Variants in KATNBL1 observed in about 807,000 individuals in gnomAD.
KATNBL1 encodes KATNB1-like protein 1.
Under a neutral mutation model 44.7 loss-of-function variants are expected in KATNBL1, and 28 were observed. The ratio of observed to expected loss-of-function variants is 0.63; its 90% CI spans 0.46 to 0.86. The LOEUF is 0.86. Ranked by LOEUF, KATNBL1 falls within the 40% of genes least tolerant of loss-of-function variation. KATNBL1 has a pLI of 0.00. For synonymous variants in KATNBL1, 78 were observed against 114.9 expected (o/e 0.68, Z 2.06); for missense variants, 272 against 350.7 (o/e 0.78, Z 1.79).
intron 1 of KATNBL1, among the ~76,000 whole-genome samples, chr15:34,194,371 G>C (rs1309480099): frequency 6.6e-6 from 1 of 152,050 alleles, no homozygotes; most frequent in Non-Finnish European, 1.5e-5. Context: ...CACTTTGAAA[G>C]GCCAAGGCGG....
chr15:34,166,163 G>A (rs796616284), intron 1 of KATNBL1: 9 of 152,472 alleles, frequency 5.9e-5, no homozygotes, highest in African/African-American at 2.2e-4. Flanking sequence ...CTAGGGGTCA[G>A]GAGATTTCCC....
intron 2 of KATNBL1, among the ~76,000 whole-genome samples, chr15:34,157,425 A>G (rs773946445): frequency 2.6e-5 from 4 of 151,988 alleles, no homozygotes; most frequent in Admixed American, 6.6e-5. Flanking sequence ...CTTCCCTCCA[A>G]CTTTTGACAA....
At position 34,140,762 on chromosome 15, in the gene KATNBL1, G is replaced by A. The variant is rs1237740378; in HGVS notation, c.*1577C>T. 1 of 152,062 alleles carries A rather than the reference G, an allele frequency of 6.6e-6. No homozygotes were observed. The highest frequency in any genetic ancestry group is 2.4e-5 in the African/African-American group (1 of 41,434). The allele number at this position is 152,062 out of a possible 1,614,324, so 9.4% of individuals were successfully genotyped here. ...TTCAAATTCCCATGTCCTGAAAACTGGCCTCTTAAATAACTCACCTCTCAA... is the reference window on the plus strand; with the variant it reads ...TTCAAATTCCCATGTCCTGAAAACTAGCCTCTTAAATAACTCACCTCTCAA... On this transcript the variant is annotated 3_prime_UTR_variant, in exon 10 of 10. Coordinates refer to ENST00000256544, the MANE Select transcript of KATNBL1 (RefSeq NM_024713.3).
intron 1 of KATNBL1, among the ~76,000 whole-genome samples, chr15:34,206,817 C>A (rs540248487): frequency 6.6e-6 from 1 of 151,470 alleles, no homozygotes; most frequent in South Asian, 2.1e-4. Context: ...AAAGAAAAGT[C>A]AAATTACACC....
intron 1 of KATNBL1, among the ~76,000 whole-genome samples, chr15:34,170,869 A>G (rs1158053353): frequency 6.6e-6 from 1 of 152,224 alleles, no homozygotes; most frequent in Non-Finnish European, 1.5e-5. Context: ...TGCTGGGAAA[A>G]CTGGCTAGCC....
rs117249350 is a variant in KATNBL1, at chr15:34,161,164, G to A, written c.117+2396C>T. Among the ~76,000 whole-genome samples the A allele has an allele frequency of 3.1e-3, 466 of 152,272 alleles. 18 individuals carry two copies. The East Asian group carries it at 0.078, about 25-fold the overall frequency. On this transcript the variant is annotated intron_variant, in intron 2 of 9. Coordinates refer to ENST00000256544, the MANE Select transcript of KATNBL1 (RefSeq NM_024713.3). ...TCATTCACACACTTTCAACCTCCAA[G>A]ATACCCCGACCACCAAGGAAATACT...
intron 2 of KATNBL1, among the ~76,000 whole-genome samples, chr15:34,156,180 G>C (rs1185607566): frequency 6.6e-6 from 1 of 152,190 alleles, no homozygotes; most frequent in Non-Finnish European, 1.5e-5. Flanking sequence ...CATCCTTTTA[G>C]GTCTCTAAGG....
chr15:34,166,696 G>A (rs1888987675), intron 1 of KATNBL1, among the ~76,000 whole-genome samples: 1 of 152,184 alleles, frequency 6.6e-6, no homozygotes, highest in South Asian at 2.1e-4. Context: ...GAGGCCGACT[G>A]ACACCTCATA....
chr15:34,150,560 C>A (rs1424130504), intron 4 of KATNBL1, among the ~76,000 whole-genome samples: 2 of 152,182 alleles, frequency 1.3e-5, no homozygotes, highest in Non-Finnish European at 2.9e-5. Context: ...CACCACTGCA[C>A]CCCAGCCTGG....
chr15:34,147,439 A>G lies in KATNBL1; in HGVS notation c.558-9T>C, dbSNP rs1888343104. Reference sequence around the variant, plus strand: ...CGCCAAGATCTTCTATCCTGAGAGTATAAAAAGAATAGCATTGCCTTAGAG... The same window carrying G: ...CGCCAAGATCTTCTATCCTGAGAGTGTAAAAAGAATAGCATTGCCTTAGAG... On this transcript the variant is annotated splice_polypyrimidine_tract_variant and intron_variant, in intron 5 of 9. Transcript: ENST00000256544. The G allele has an allele frequency of 1.2e-6, 2 of 1,608,056 alleles. No homozygotes were observed. Among genetic ancestry groups the G allele is most frequent in the Admixed American group, 3.3e-5 (2 of 59,926 alleles).
At chr15:34,146,264 T>C (rs1284112317) in intron 8 of KATNBL1, 2 of 152,360 alleles carry the variant, frequency 1.3e-5, no homozygotes, top group Admixed American at 6.5e-5. Context: ...TTATGGACTT[T>C]AAGGAAACTG....
intron 2 of KATNBL1, among the ~76,000 whole-genome samples, chr15:34,158,145 C>T (rs1888692892): frequency 6.6e-6 from 1 of 152,150 alleles, no homozygotes. Flanking sequence ...AAATACTAGG[C>T]AACTATCTGT....
At chr15:34,199,820 A>C (rs1890127294) in intron 1 of KATNBL1, 1 of 152,116 alleles carries the variant, frequency 6.6e-6, no homozygotes, top group South Asian at 2.1e-4. Context: ...AGCAAGATTT[A>C]TTGTGAAGAC....
chr15:34,179,120 T>C (rs1478024006), intron 1 of KATNBL1, among the ~76,000 whole-genome samples: 4 of 152,232 alleles, frequency 2.6e-5, no homozygotes, highest in African/African-American at 7.2e-5. Flanking sequence ...TAGCTCGTTT[T>C]GTGCTACTAC....
At position 34,151,435 on chromosome 15, in the gene KATNBL1, A is replaced by ATTTTTTTT. The variant is rs1491367010; in HGVS notation, c.438+1354_438+1355insAAAAAAAA. Among the ~76,000 whole-genome samples the ATTTTTTTT allele has an allele frequency of 3.4e-4, 22 of 63,822 alleles. 1 individual carries two copies. The highest frequency in any genetic ancestry group is 4.8e-4 in the Non-Finnish European group (15 of 31,214). 41.9% of individuals were successfully genotyped at this position (63,822 alleles called of 152,430 possible). On this transcript the variant is annotated intron_variant, in intron 4 of 9. Coordinates refer to ENST00000256544, the MANE Select transcript of KATNBL1 (RefSeq NM_024713.3). ...AAAGTGTCTATTGTGTCCTTTGCCT[A>ATTTTTTTT]CTTTTTTTTTTTTTTTTTTTTTTTT...
rs1046492116 is a variant in KATNBL1, at chr15:34,142,262, G to A, written c.*77C>T. 15 of 1,327,202 alleles carry A rather than the reference G, an allele frequency of 1.1e-5. No individual in the cohort carries two copies. Among genetic ancestry groups the A allele is most frequent in the Admixed American group, 6.5e-5 (2 of 30,562 alleles). 82.2% of individuals were successfully genotyped at this position (1,327,202 alleles called of 1,614,324 possible). A position where few individuals can be genotyped will look rare whatever the true frequency, so the allele number is the denominator to read the frequency against. Reference sequence around the variant, plus strand: ...CTTCCACAGTTCACAGTTCTCAGACGAGACTTTTTTTTTTTGTAAATTATA... The same window carrying A: ...CTTCCACAGTTCACAGTTCTCAGACAAGACTTTTTTTTTTTGTAAATTATA... On this transcript the variant is annotated 3_prime_UTR_variant, in exon 10 of 10. Coordinates refer to ENST00000256544, the MANE Select transcript of KATNBL1 (RefSeq NM_024713.3).
intron 1 of KATNBL1, among the ~76,000 whole-genome samples, chr15:34,206,827 C>G (rs992726638): frequency 6.6e-6 from 1 of 151,790 alleles, no homozygotes; most frequent in African/African-American, 2.4e-5. Context: ...CAAATTACAC[C>G]CTTCCAATTT....
intron 4 of KATNBL1, among the ~76,000 whole-genome samples, chr15:34,149,692 G>A (rs1337293251): frequency 6.6e-6 from 1 of 152,200 alleles, no homozygotes; most frequent in Non-Finnish European, 1.5e-5. Flanking sequence ...CCCAAGTGCT[G>A]GGATTACAGG....
At chr15:34,151,436 CTTTTTTTTTTTTTTTTTTTTT>C (rs58824450) in intron 4 of KATNBL1, among the ~76,000 whole-genome samples, 2 of 60,710 alleles carry the variant, frequency 3.3e-5, no homozygotes, top group African/African-American at 1.3e-4. Context: ...CCTTTGCCTA[CTTTTTTTTTTTTTTTTTTTTT>C]TTTTTTTTTT....
Sources: gnomAD v4.1 joint callset for allele counts (sites outside exome capture counted in the v4.1 genomes callset) on GRCh38, gnomAD v4.1.1 for gene constraint, MANE v1.5 for transcripts, NCBI Gene and HGNC (gene_info 2026-07-23, HGNC 2026-07-21) for gene names.